Variants in MARK1 observed in about 807,000 individuals in gnomAD.
MARK1 encodes the protein microtubule affinity regulating kinase 1, also known as serine/threonine-protein kinase MARK1.
A neutral mutation model predicts 96.3 loss-of-function variants in MARK1; 40 were observed. That is an observed-to-expected ratio of 0.42 (90% CI 0.32 to 0.54). MARK1 has a LOEUF of 0.54. Among genes scored for constraint, MARK1 ranks in the 20% least tolerant of loss-of-function variants. The pLI is 0.16. For missense variants in MARK1, 719 were observed against 984.6 expected (o/e 0.73, Z 3.61); for synonymous variants, 317 against 341.2 (o/e 0.93, Z 0.78).
chr1:220,537,979 G>A (rs1230704549), intron 1 of MARK1, among the ~76,000 whole-genome samples: 1 of 152,084 alleles, frequency 6.6e-6, no homozygotes, highest in Non-Finnish European at 1.5e-5. Context: ...TGAAGATTCT[G>A]GATATTAGCC....
intron 1 of MARK1, among the ~76,000 whole-genome samples, chr1:220,563,968 C>T (rs566124367): frequency 1.3e-5 from 2 of 152,100 alleles, no homozygotes; most frequent in Non-Finnish European, 2.9e-5. Context: ...GTGCTGTCTT[C>T]CTTTTGGTTA....
At chr1:220,558,196 A>C (rs1236769827) in intron 1 of MARK1, among the ~76,000 whole-genome samples, 1 of 149,454 alleles carries the variant, frequency 6.7e-6, no homozygotes, top group Non-Finnish European at 1.5e-5. Context: ...ATGGCAGGGG[A>C]AACATTGGAG....
At chr1:220,537,934 G>C (rs1420962231) in intron 1 of MARK1, among the ~76,000 whole-genome samples, 1 of 151,924 alleles carries the variant, frequency 6.6e-6, no homozygotes, top group Non-Finnish European at 1.5e-5. Context: ...TGATGGGGTT[G>C]TTTGTTTTTT....
intron 1 of MARK1, among the ~76,000 whole-genome samples, chr1:220,557,346 G>A (rs760099882): frequency 7.9e-5 from 12 of 152,080 alleles, no homozygotes; most frequent in Non-Finnish European, 1.0e-4. Context: ...AGGCCAAGGC[G>A]GGCGGATCAC....
chr1:220,603,860 G>T (rs978449173), intron 5 of MARK1, among the ~76,000 whole-genome samples: 13 of 151,932 alleles, frequency 8.6e-5, no homozygotes, highest in Admixed American at 5.2e-4. Flanking sequence ...AAAGAGTTTT[G>T]CTAAATCACA....
intron 6 of MARK1, among the ~76,000 whole-genome samples, chr1:220,613,491 T>TC (rs999660578): frequency 6.6e-5 from 10 of 152,176 alleles, no homozygotes; most frequent in African/African-American, 9.7e-5. Context: ...TCATGTTTGG[T>TC]AACCAAATTA....
chr1:220,642,062 G>A (rs889092055), intron 13 of MARK1, among the ~76,000 whole-genome samples: 8 of 152,288 alleles, frequency 5.3e-5, no homozygotes, highest in African/African-American at 1.7e-4. Flanking sequence ...GGTGGCTCTC[G>A]AAACTCCAGA....
In MARK1 at chr1:220,630,228, G is replaced by A. The variant is rs115848797; in HGVS notation, c.910-807G>A. Among the ~76,000 whole-genome samples, 801 of 152,264 alleles carry A rather than the reference G, an allele frequency of 5.3e-3. 9 individuals carry two copies. The highest frequency in any genetic ancestry group is 0.018 in the African/African-American group (760 of 41,546). ...ATCTTTTCACACAGCAAGCATGCTT[G>A]TTGGCCACTTATGTATCTTTTTTGG... On this transcript the variant is annotated intron_variant, in intron 9 of 17. Transcript: ENST00000366917.
In MARK1 at chr1:220,530,828, A is replaced by G. The variant is rs574715301; in HGVS notation, c.51+1955A>G. 4.6e-5 allele frequency among the ~76,000 whole-genome samples: 7 copies of G among 152,326 alleles called. No homozygotes were observed. The East Asian group carries it at 1.2e-3, about 25-fold the overall frequency. ...GGTCTTGTGCCTTATTGTGTTGTAC[A>G]TAATGATATCTCCATTTAGCTTACT... On this transcript the variant is annotated intron_variant, in intron 1 of 17. Coordinates refer to ENST00000366917, the MANE Select transcript of MARK1 (RefSeq NM_018650.5).
chr1:220,628,217 C>G (rs1481570175), intron 9 of MARK1, among the ~76,000 whole-genome samples: 1 of 152,152 alleles, frequency 6.6e-6, no homozygotes, highest in Non-Finnish European at 1.5e-5. Context: ...TGAACCTTAT[C>G]TCTATCGACT....
intron 1 of MARK1, among the ~76,000 whole-genome samples, chr1:220,530,418 A>G (rs531401574): frequency 2.0e-5 from 3 of 152,360 alleles, no homozygotes; most frequent in Non-Finnish European, 2.9e-5. Context: ...TAACAGGAAC[A>G]TTAAAAAAAT....
At chr1:220,540,937 T>TC (rs1280932151) in intron 1 of MARK1, among the ~76,000 whole-genome samples, 2 of 146,008 alleles carry the variant, frequency 1.4e-5, no homozygotes, top group East Asian at 2.0e-4. Context: ...AGTCTCTCTC[T>TC]TTTTTTTTTT....
chr1:220,644,788 T>A (rs1322901445), intron 13 of MARK1, among the ~76,000 whole-genome samples: 1 of 152,096 alleles, frequency 6.6e-6, no homozygotes, highest in East Asian at 1.9e-4. Flanking sequence ...CAAAACCACA[T>A]AATTACATGG....
At chr1:220,589,326 A>G (rs1214918971) in intron 3 of MARK1, among the ~76,000 whole-genome samples, 2 of 152,176 alleles carry the variant, frequency 1.3e-5, no homozygotes, top group Non-Finnish European at 1.5e-5. Context: ...TTTCATCATC[A>G]CAAAAAGAGT....
chr1:220,599,755 C>A (rs143344217), intron 4 of MARK1, 43 bp from the exon 5 acceptor site: 1 of 1,070,434 alleles, frequency 9.3e-7, no homozygotes, highest in Non-Finnish European at 1.4e-6. Flanking sequence ...CATATTCAAT[C>A]TGTGCTAACA....
intron 1 of MARK1, among the ~76,000 whole-genome samples, chr1:220,546,682 C>G (rs1453300628): frequency 1.3e-5 from 2 of 152,182 alleles, no homozygotes. Flanking sequence ...AAATGAAAAG[C>G]AACTAATTGG....
At chr1:220,633,967 C>T (rs1486841814) in intron 11 of MARK1, among the ~76,000 whole-genome samples, 1 of 152,168 alleles carries the variant, frequency 6.6e-6, no homozygotes, top group Non-Finnish European at 1.5e-5. Context: ...ACACATTGCA[C>T]ACAGTAGTGT....
At position 220,657,820 on chromosome 1, in the gene MARK1, A is replaced by T; in HGVS notation, c.2019A>T (p.Arg673Ser). ...CAAGTGAAGGCGAAGCCAGTGGCAGAACCGACACCTCAAGGTGAGGAGCCA... is the reference window on the plus strand; with the variant it reads ...CAAGTGAAGGCGAAGCCAGTGGCAGTACCGACACCTCAAGGTGAGGAGCCA... ...RDPSEGEASG[R>S]TDTSRSTSGE... is the part of the protein sequence containing the mutation. Residue 673 changes from arginine (R) to serine (S), a missense_variant, in exon 17 of 18, where the codon AGA (arginine) becomes AGT (serine). By Grantham distance (110) the Arg-to-Ser change is moderately radical. Coordinates refer to ENST00000366917, the MANE Select transcript of MARK1 (RefSeq NM_018650.5). 6.4e-7 allele frequency: 1 copy of T among 1,574,350 alleles called. No homozygotes were observed.
At chr1:220,635,019 A>G (rs547226530) in intron 11 of MARK1, among the ~76,000 whole-genome samples, 3 of 152,152 alleles carry the variant, frequency 2.0e-5, no homozygotes, top group Non-Finnish European at 4.4e-5. Context: ...TTAATACATC[A>G]TAGGTTTGTT....
Sources: allele counts gnomAD v4.1 joint callset (sites outside exome capture counted in the v4.1 genomes callset), GRCh38; gene constraint gnomAD v4.1.1; transcripts MANE v1.5; gene names NCBI Gene and HGNC (gene_info 2026-07-23, HGNC 2026-07-21).